Variants in CRYBG3 observed in about 807,000 individuals in gnomAD.
CRYBG3 encodes very large A-kinase anchor protein.
Under a neutral mutation model 244.2 loss-of-function variants are expected in CRYBG3, and 127 were observed. That is an observed-to-expected ratio of 0.52 (90% confidence interval 0.45 to 0.60). The LOEUF (loss-of-function observed/expected upper bound fraction) is 0.60. Ranked by LOEUF, CRYBG3 falls within the 20% of genes least tolerant of loss-of-function variation. CRYBG3 has a pLI of 0.00. For synonymous variants in CRYBG3, 1,132 were observed against 1,195.8 expected, an observed-to-expected ratio of 0.95 and a Z score of 1.10; for missense variants, 3,325 against 3,442.5, an observed-to-expected ratio of 0.97 and a Z score of 0.85.
chr3:97,856,465 T>C (rs994877021), intron 2 of CRYBG3, among the ~76,000 whole-genome samples: 1 of 152,162 alleles, frequency 6.6e-6, no homozygotes, highest in African/African-American at 2.4e-5. Flanking sequence ...ATGGTATTGA[T>C]TGGGGAAGTG....
intron 19 of CRYBG3, among the ~76,000 whole-genome samples, chr3:97,937,227 C>T (rs537318814): frequency 1.1e-4 from 17 of 152,044 alleles, no homozygotes; most frequent in Non-Finnish European, 1.9e-4. Context: ...AATTTCTAAG[C>T]ATTTGGATAT....
intron 14 of CRYBG3, 115 bp downstream of exon 14, chr3:97,899,378 A>C: frequency 9.3e-7 from 1 of 1,075,910 alleles, no homozygotes; most frequent in Non-Finnish European, 1.3e-6. Flanking sequence ...TGTATATAGA[A>C]AGAAAATGCA....
Position 97,876,242 on chromosome 3 carries a change from G to C in CRYBG3, c.5048G>C (p.Gly1683Ala), listed in dbSNP as rs144798082. The change falls in exon 4 of 22, where the codon GGG becomes GCG. Residue 1683 changes from glycine to alanine, a missense_variant. Physicochemically the swap from Gly to Ala is moderately conservative, Grantham distance 60. Coordinates refer to ENST00000389622, the MANE Select transcript of CRYBG3 (RefSeq NM_153605.4). ...GCTGAAGGGGATATTGGCAAGACTG[G>C]GACGATAGCCTTGTCAGAAGTGGAA... ...THAEGDIGKT[G>A]TIALSEVENI... 2.8e-3 allele frequency: 3,509 copies of C among 1,231,734 alleles called. 5 individuals are homozygous for C. Among genetic ancestry groups the C allele is most frequent in the Non-Finnish European group, 3.1e-3 (3,072 of 987,904 alleles). The allele number at this position is 1,231,734 out of a possible 1,614,324, so 76.3% of individuals were successfully genotyped here. A position where few individuals can be genotyped will look rare whatever the true frequency, so the allele number is the denominator to read the frequency against.
At position 97,888,394 on chromosome 3, in the gene CRYBG3, A is replaced by G. The variant is rs1470398544; in HGVS notation, c.7343A>G (p.Glu2448Gly). The G allele has an allele frequency of 1.2e-6, 2 of 1,613,088 alleles. No individual in the cohort carries two copies. Among genetic ancestry groups the G allele is most frequent in the Non-Finnish European group, 1.7e-6 (2 of 1,179,396 alleles). Residue 2448 changes from glutamate to glycine, a missense_variant, in exon 9 of 22, where the codon GAA becomes GGA. Around this residue, in one of 4 missense-constraint regions of CRYBG3, gnomAD observed 714 missense variants for 803.6 expected, o/e 0.89. Transcript: ENST00000389622. ...NFKGQATVLE[E>G]DHGLFEISTA... is the part of the protein sequence containing the mutation. ...AAGGGACAAGCTACAGTTCTGGAGG[A>G]AGACCATGGGCTCTTTGAGATTTCT...
rs574761041 is a variant in CRYBG3 at position 97,864,389 on chromosome 3, A to G, written c.389A>G (p.Asn130Ser). The G allele has an allele frequency of 2.3e-5, 36 of 1,535,822 alleles. No individual in the cohort carries two copies. The highest frequency in any genetic ancestry group is 5.9e-5 in the South Asian group (5 of 84,052). Residue 130 changes from asparagine (N) to serine (S), a missense_variant, in exon 3 of 22, where the codon AAT (asparagine) becomes AGT (serine). Coordinates refer to ENST00000389622, the MANE Select transcript of CRYBG3 (RefSeq NM_153605.4). Reference sequence around the variant, plus strand: ...TTTCAGTTTCTTGGTAACTTATTCAATATCTCGGGGAAATCATCTCTAGGT... The same window carrying G: ...TTTCAGTTTCTTGGTAACTTATTCAGTATCTCGGGGAAATCATCTCTAGGT... ...SFFQFLGNLFNISGKSSLGEA... is the reference protein window; with the variant it reads ...SFFQFLGNLFSISGKSSLGEA...
At position 97,874,691 on chromosome 3, in the gene CRYBG3, G is replaced by A; in HGVS notation, c.3497G>A (p.Ser1166Asn). 1 of 1,535,820 alleles carries A rather than the reference G, an allele frequency of 6.5e-7. No individual in the cohort carries two copies. The highest frequency in any genetic ancestry group is 2.4e-5 in the East Asian group (1 of 40,904). ...AVAGPAASVN[S>N]SGQQCSEASA... is the part of the protein sequence containing the mutation. ...GCTGGGCCTGCAGCGTCAGTTAACA[G>A]CTCAGGCCAACAGTGTTCTGAAGCC... Residue 1166 changes from serine (S) to asparagine (N), a missense_variant, in exon 4 of 22, where the codon AGC becomes AAC. This residue lies in a region of CRYBG3 where 1,526 missense variants were observed against 1,443.2 expected (regional missense o/e 1.06). Transcript: ENST00000389622.
chr3:97,884,249 T>C (rs2039483266), intron 7 of CRYBG3, among the ~76,000 whole-genome samples: 1 of 152,120 alleles, frequency 6.6e-6, no homozygotes, highest in Non-Finnish European at 1.5e-5. Flanking sequence ...GGGAAAATAA[T>C]TGGGGGTGAA....
At chr3:97,829,852 C>G (rs1406055626) in intron 1 of CRYBG3, among the ~76,000 whole-genome samples, 1 of 152,114 alleles carries the variant, frequency 6.6e-6, no homozygotes, top group African/African-American at 2.4e-5. Flanking sequence ...ACCAAGGTAA[C>G]ATGTAGGGGA....
chr3:97,877,097 C>T lies in CRYBG3; in HGVS notation c.5903C>T (p.Thr1968Ile). Reference protein sequence around the residue: ...TVRLDKRMSLTAIYDKRRETD... With the variant: ...TVRLDKRMSLIAIYDKRRETD... The stretch of plus-strand genomic sequence containing the variant: ...AGACTAGACAAAAGAATGTCTCTTA[C>T]TGCAATATATGACAAGAGGAGAGAG... The change falls in exon 4 of 22, where the codon ACT becomes ATT. Residue 1968 changes from threonine to isoleucine, a missense_variant. Physicochemically the swap from Thr to Ile is moderately conservative, Grantham distance 89. Around this residue, in one of 4 missense-constraint regions of CRYBG3, gnomAD observed 450 missense variants for 424.1 expected, o/e 1.06. Transcript: ENST00000389622. 1.2e-6 allele frequency: 2 copies of T among 1,612,690 alleles called. No homozygotes were observed. The highest frequency in any genetic ancestry group is 1.1e-5 in the South Asian group (1 of 90,824).
At chr3:97,841,017 AAG>A (rs2038804551) in intron 1 of CRYBG3, among the ~76,000 whole-genome samples, 5 of 152,018 alleles carry the variant, frequency 3.3e-5, no homozygotes. Context: ...AATAGAAAAA[AAG>A]AGATAAGAAT....
Position 97,877,496 on chromosome 3 carries a change from G to A in CRYBG3, c.6302G>A (p.Ser2101Asn). 6.2e-7 allele frequency: 1 copy of A among 1,614,160 alleles called. No individual in the cohort carries two copies. The highest frequency in any genetic ancestry group is 8.5e-7 in the Non-Finnish European group (1 of 1,180,020). The change falls in exon 4 of 22, where the codon AGT (serine) becomes AAT (asparagine). Residue 2101 changes from serine (S) to asparagine (N), a missense_variant. By Grantham distance (46) the Ser-to-Asn change is conservative (BLOSUM62 1). Coordinates refer to ENST00000389622, the MANE Select transcript of CRYBG3 (RefSeq NM_153605.4). ...AGCTCACAGGAGGACATTCTATCTA[G>A]TGAGGTTTCACCTGGTCACCATGGC... ...DDSSQEDILS[S>N]EVSPGHHGPR...
At chr3:97,913,277 T>C (rs983726010) in intron 16 of CRYBG3, among the ~76,000 whole-genome samples, 1 of 152,172 alleles carries the variant, frequency 6.6e-6, no homozygotes, top group Non-Finnish European at 1.5e-5. Context: ...CTAGCCTCCT[T>C]TCCCTATCCA....
At chr3:97,920,698 G>A (rs1575966670) in intron 17 of CRYBG3, among the ~76,000 whole-genome samples, 3 of 151,788 alleles carry the variant, frequency 2.0e-5, no homozygotes, top group Non-Finnish European at 4.4e-5. Flanking sequence ...CCCAGCTAAT[G>A]TTTGTATTTT....
chr3:97,839,210 CT>C (rs2038778553), intron 1 of CRYBG3, among the ~76,000 whole-genome samples: 1 of 152,074 alleles, frequency 6.6e-6, no homozygotes, highest in Non-Finnish European at 1.5e-5. Flanking sequence ...AGATTGTGGT[CT>C]CTCATGAAGC....
intron 12 of CRYBG3, among the ~76,000 whole-genome samples, chr3:97,896,764 A>G (rs1001466921): frequency 1.3e-5 from 2 of 152,204 alleles, no homozygotes; most frequent in African/African-American, 2.4e-5. Flanking sequence ...GGTAGAGGCA[A>G]CGGTTGCTGC....
intron 2 of CRYBG3, among the ~76,000 whole-genome samples, chr3:97,855,740 C>T: frequency 6.6e-6 from 1 of 152,046 alleles, no homozygotes; most frequent in East Asian, 1.9e-4. Context: ...TGTGATGCCC[C>T]ACAGGCTGCA....
chr3:97,871,885 A>G lies in CRYBG3; in HGVS notation c.691A>G (p.Thr231Ala), dbSNP rs768232047. 17 of 1,529,278 alleles carry G rather than the reference A, an allele frequency of 1.1e-5. No individual in the cohort carries two copies. The highest frequency in any genetic ancestry group is 1.3e-5 in the Non-Finnish European group (15 of 1,144,802). The allele number at this position is 1,529,278 out of a possible 1,614,324, so 94.7% of individuals were successfully genotyped here. ...KPEKPSVTYA[T>A]YRGPRHIGKY... is the part of the protein sequence containing the mutation. ...AGAGAAGCCTTCAGTAACATATGCA[A>G]CATATCGAGGCCCAAGACACATTGG... is the stretch of plus-strand genomic sequence containing the variant. The change falls in exon 4 of 22, where the codon ACA becomes GCA. Residue 231 changes from threonine to alanine, a missense_variant. Coordinates refer to ENST00000389622, the MANE Select transcript of CRYBG3 (RefSeq NM_153605.4).
chr3:97,872,546 A>G lies in CRYBG3; in HGVS notation c.1352A>G (p.Glu451Gly), dbSNP rs1279559055. The part of the protein sequence containing the change: ...KSDGSDTTEQ[E>G]STNLPSPNKS... ...GATGGGAGTGACACTACTGAGCAGG[A>G]AAGTACAAATTTGCCAAGTCCAAAT... The change falls in exon 4 of 22, where the codon GAA becomes GGA. Residue 451 changes from glutamate to glycine, a missense_variant. By Grantham distance (98) the Glu-to-Gly change is moderately conservative. Transcript: ENST00000389622. 1 of 1,535,992 alleles carries G rather than the reference A, an allele frequency of 6.5e-7. No homozygotes were observed.
chr3:97,840,388 A>G (rs926590150), intron 1 of CRYBG3, among the ~76,000 whole-genome samples: 3 of 152,158 alleles, frequency 2.0e-5, no homozygotes, highest in East Asian at 3.9e-4. Context: ...TGGTTTAGCA[A>G]TAAGAATCAT....
Sources: gnomAD v4.1 joint callset for allele counts (sites outside exome capture counted in the v4.1 genomes callset) on GRCh38, gnomAD v4.1.1 for gene constraint, gnomAD v4.1.1 regional missense constraint, MANE v1.5 for transcripts, NCBI Gene and HGNC (gene_info 2026-07-23, HGNC 2026-07-21) for gene names.